The following MGAT5B variants were observed in gnomAD, a reference collection of about 807,000 sequenced individuals.
MGAT5B encodes alpha-1,6-mannosylglycoprotein 6-beta-N-acetylglucosaminyltransferase B.
Under a neutral mutation model 95.1 loss-of-function variants are expected in MGAT5B, and 54 were observed. The observed-to-expected ratio is 0.57, with a 90% CI of 0.46 to 0.71. The LOEUF (loss-of-function observed/expected upper bound fraction) is 0.71. Ranked by LOEUF, MGAT5B falls within the 30% of genes least tolerant of loss-of-function variation. The pLI is 0.00. For synonymous variants in MGAT5B, 464 were observed against 451.0 expected, an observed-to-expected ratio of 1.03 and a Z score of -0.36; for missense variants, 935 against 1,088.6, an observed-to-expected ratio of 0.86 and a Z score of 1.99.
Position 76,882,276 on chromosome 17 carries a change from G to C in MGAT5B, c.307G>C (p.Asp103His). 6.2e-7 allele frequency: 1 copy of C among 1,612,542 alleles called. No individual in the cohort carries two copies. Among genetic ancestry groups the C allele is most frequent in the Non-Finnish European group, 8.5e-7 (1 of 1,179,554 alleles). ...CAGTGAGCTGCACCGGGCCGGCGGC[G>C]ACCTGCACTTTCCCGCAGACAGGTG... Reference protein sequence around the residue: ...NSSELHRAGGDLHFPADRMPP... With the variant: ...NSSELHRAGGHLHFPADRMPP... Residue 103 changes from aspartate (D) to histidine (H), a missense_variant, in exon 3 of 18, where the codon GAC (aspartate) becomes CAC (histidine). Transcript: ENST00000569840.
chr17:76,927,034 C>G (rs903597989), intron 10 of MGAT5B, among the ~76,000 whole-genome samples: 3 of 152,134 alleles, frequency 2.0e-5, no homozygotes, highest in Non-Finnish European at 4.4e-5. Flanking sequence ...TTCCAGAACA[C>G]GGGGGACTCC....
chr17:76,927,906 C>T (rs1267943720), intron 10 of MGAT5B, among the ~76,000 whole-genome samples: 2 of 152,240 alleles, frequency 1.3e-5, no homozygotes, highest in African/African-American at 4.8e-5. Context: ...AGACTCTGAG[C>T]AGAGTCCTGA....
chr17:76,900,378 T>A (rs1182340056), intron 3 of MGAT5B, among the ~76,000 whole-genome samples: 1 of 152,258 alleles, frequency 6.6e-6, no homozygotes, highest in Non-Finnish European at 1.5e-5. Context: ...CCTGTGACTA[T>A]GACCTCATTT....
chr17:76,905,708 C>T lies in MGAT5B; in HGVS notation c.856-310C>T, dbSNP rs1024605094. Among the ~76,000 whole-genome samples, 9 of 141,340 alleles carry T rather than the reference C, an allele frequency of 6.4e-5. No individual in the cohort carries two copies. Among genetic ancestry groups the T allele is most frequent in the African/African-American group, 2.0e-4 (8 of 39,800 alleles). The allele number at this position is 141,340 out of a possible 152,430, so 92.7% of individuals were successfully genotyped here. ...CCTCCCTCCACCCAGTAGATATTTA[C>T]GTGGCTCTCACATTGCCCTTTTATT... On this transcript the variant is annotated intron_variant, in intron 7 of 17. Transcript: ENST00000569840. The surrounding 1 kb of genome is among the most constrained non-coding windows in gnomAD (Gnocchi z 4.2).
chr17:76,900,909 G>A (rs893254918), intron 3 of MGAT5B, among the ~76,000 whole-genome samples: 29 of 113,494 alleles, frequency 2.6e-4, no homozygotes, highest in Non-Finnish European at 3.3e-4. Flanking sequence ...ATGTGTGTGT[G>A]TGCGTGTGTA....
chr17:76,882,664 T>C (rs1385672814), intron 3 of MGAT5B: 1 of 171,726 alleles, frequency 5.8e-6, no homozygotes, highest in Non-Finnish European at 1.2e-5. Context: ...TTTTAACAAA[T>C]TCCATGTAAG....
intron 2 of MGAT5B, among the ~76,000 whole-genome samples, chr17:76,873,946 C>T (rs1473615859): frequency 1.3e-5 from 2 of 152,178 alleles, no homozygotes; most frequent in East Asian, 1.9e-4. Flanking sequence ...ATATTGTAGA[C>T]ATCCCAAGTT....
At chr17:76,922,425 A>G (rs1969149476) in intron 8 of MGAT5B, among the ~76,000 whole-genome samples, 1 of 152,234 alleles carries the variant, frequency 6.6e-6, no homozygotes, top group African/African-American at 2.4e-5. Flanking sequence ...CTGGAGCCCC[A>G]GGGCAAACAA....
chr17:76,906,053 C>T lies in MGAT5B; in HGVS notation c.891C>T (p.Ser297=), dbSNP rs112338799. ...LVHIGFLTEE[S]GDVFSPRVLK... ...ACATCGGCTTCCTGACGGAGGAGTC[C>T]GGGGACGTGTTCAGCCCTCGGGTCC... The change falls in exon 8 of 18, where the codon TCC becomes TCT. Residue 297 remains serine (S), a synonymous_variant. Transcript: ENST00000569840. This position sits in a 1 kb window ranked among gnomAD's most constrained non-coding sequence, Gnocchi z 4.6. The T allele has an allele frequency of 6.0e-4, 967 of 1,608,994 alleles. 7 individuals carry two copies. The East Asian group carries it at 0.011, about 18-fold the overall frequency.
chr17:76,937,975 C>T lies in MGAT5B; in HGVS notation c.1429-13C>T. 1 of 1,611,984 alleles carries T rather than the reference C, an allele frequency of 6.2e-7. No individual in the cohort carries two copies. The highest frequency in any genetic ancestry group is 8.5e-7 in the Non-Finnish European group (1 of 1,178,114). ...TTGCATGTGGTTCCCATCTCCTCCT[C>T]TTCTTTTTCCAGGGGAAGGAGAAGT... On this transcript the variant is annotated splice_polypyrimidine_tract_variant and intron_variant, in intron 12 of 17. Coordinates refer to ENST00000569840, the MANE Select transcript of MGAT5B (RefSeq NM_001199172.2).
rs1266350115 is a variant in MGAT5B at position 76,905,858 on chromosome 17, C to G, written c.856-160C>G. On this transcript the variant is annotated intron_variant, in intron 7 of 17. Transcript: ENST00000569840. The surrounding 1 kb of genome is among the most constrained non-coding windows in gnomAD (Gnocchi z 4.2). ...GTGACTATCTTGTTCGCCCGTGTCC[C>G]CAGTGCCCGATCTGGTCACTCTGGT... Among the ~76,000 whole-genome samples the G allele has an allele frequency of 6.6e-6, 1 of 152,184 alleles. No homozygotes were observed. The highest frequency in any genetic ancestry group is 2.4e-5 in the African/African-American group (1 of 41,428).
intron 12 of MGAT5B, among the ~76,000 whole-genome samples, chr17:76,935,311 G>A (rs367881518): frequency 1.3e-3 from 201 of 152,306 alleles, no homozygotes; most frequent in African/African-American, 4.6e-3. Flanking sequence ...GTCTTGACTA[G>A]CCTTTTTGGT....
At chr17:76,877,655 G>A (rs959958590) in intron 2 of MGAT5B, among the ~76,000 whole-genome samples, 3 of 152,194 alleles carry the variant, frequency 2.0e-5, no homozygotes, top group African/African-American at 7.2e-5. Context: ...CAGAGCTCCC[G>A]TGGCCTCAGC....
chr17:76,902,767 C>T (rs931803754), intron 4 of MGAT5B, 97 bp downstream of exon 4: 4 of 942,580 alleles, frequency 4.2e-6, no homozygotes, highest in South Asian at 3.2e-5. Flanking sequence ...GGGGTGTGGC[C>T]GACTTCTCCT....
rs907706725 is a variant in MGAT5B, at chr17:76,889,494, A to G, written c.329+7196A>G. Among the ~76,000 whole-genome samples, 2 of 152,050 alleles carry G rather than the reference A, an allele frequency of 1.3e-5. No individual in the cohort carries two copies. The highest frequency in any genetic ancestry group is 4.8e-5 in the African/African-American group (2 of 41,404). ...GAAGCTGTCTCGGGCCACCGTGGGTACCTTCACTGGGAGAGAGGCGTGTGG... is the reference window on the plus strand; with the variant it reads ...GAAGCTGTCTCGGGCCACCGTGGGTGCCTTCACTGGGAGAGAGGCGTGTGG... On this transcript the variant is annotated intron_variant, in intron 3 of 17. Transcript: ENST00000569840. This position sits in a 1 kb window ranked among gnomAD's most constrained non-coding sequence, Gnocchi z 4.4.
chr17:76,931,523 C>T (rs1369179798), intron 10 of MGAT5B, among the ~76,000 whole-genome samples: 2 of 152,170 alleles, frequency 1.3e-5, no homozygotes, highest in East Asian at 1.9e-4. Context: ...TCTCACAGGC[C>T]CATGAGCACA....
intron 8 of MGAT5B, among the ~76,000 whole-genome samples, chr17:76,921,750 AG>A (rs1468661139): frequency 1.3e-5 from 2 of 152,326 alleles, no homozygotes; most frequent in Admixed American, 1.3e-4. Context: ...GGAAAGGGTC[AG>A]AACCCCTGGG....
intron 3 of MGAT5B, among the ~76,000 whole-genome samples, chr17:76,900,204 T>G (rs1968255252): frequency 6.6e-6 from 1 of 152,160 alleles, no homozygotes; most frequent in South Asian, 2.1e-4. Flanking sequence ...TTGATGAGTT[T>G]TGGATAGATG....
At chr17:76,926,532 C>G in intron 9 of MGAT5B, 65 bp from the exon 10 acceptor site, 3 of 1,514,030 alleles carry the variant, frequency 2.0e-6, no homozygotes, top group East Asian at 2.3e-5. Context: ...GTGGCTGGGG[C>G]AACTTCAGCC....
Sources: gnomAD v4.1 joint callset for allele counts (sites outside exome capture counted in the v4.1 genomes callset) on GRCh38, gnomAD v4.1.1 for gene constraint, Gnocchi (gnomAD v3.1) non-coding constraint, MANE v1.5 for transcripts, NCBI Gene and HGNC (gene_info 2026-07-23, HGNC 2026-07-21) for gene names.